MTUS1: variants seen among roughly 807,000 people sequenced by gnomAD.
MTUS1 encodes microtubule-associated tumor suppressor 1.
A neutral mutation model predicts 120.8 loss-of-function variants in MTUS1; 109 were observed. That is an observed-to-expected ratio of 0.90 (90% confidence interval 0.77 to 1.06). MTUS1 has a LOEUF of 1.06. Ranked by LOEUF, MTUS1 falls within the 50% of genes least tolerant of loss-of-function variation. The pLI is 0.00. For missense variants in MTUS1, 2,210 were observed against 1,486.3 expected (o/e 1.49, Z -8.01); for synonymous variants, 737 against 550.5 (o/e 1.34, Z -4.74).
At chr8:17,722,081 G>C (rs1277524084) in intron 4 of MTUS1, 2 of 1,336,336 alleles carry the variant, frequency 1.5e-6, no homozygotes, top group Non-Finnish European at 9.5e-7. Context: ...GAGACTCACT[G>C]ATTTGAATGC....
At chr8:17,652,871 G>T in intron 12 of MTUS1, among the ~76,000 whole-genome samples, 1 of 150,924 alleles carries the variant, frequency 6.6e-6, no homozygotes. Context: ...TTTGTAGTTT[G>T]TTTTATCTCA....
chr8:17,742,297 T>TTTTTTTTTTTTTTTTTTTTTTTTTTG (rs2047393167), intron 3 of MTUS1, among the ~76,000 whole-genome samples: 1 of 142,190 alleles, frequency 7.0e-6, no homozygotes, highest in African/African-American at 2.7e-5. Flanking sequence ...TGTTGTTTTT[T>TTTTTTTTTTTTTTTTTTTTTTTTTTG]TTTTTTTTTT....
intron 1 of MTUS1, among the ~76,000 whole-genome samples, chr8:17,769,177 G>A (rs897784448): frequency 6.6e-6 from 1 of 150,918 alleles, no homozygotes; most frequent in Admixed American, 6.6e-5. Flanking sequence ...TCACTGACCT[G>A]CTAAGGTTCA....
chr8:17,678,816 C>T (rs1813654765), intron 7 of MTUS1, among the ~76,000 whole-genome samples: 1 of 151,756 alleles, frequency 6.6e-6, no homozygotes, highest in East Asian at 1.9e-4. Context: ...GACCTCAGCC[C>T]TGTTCAAGTT....
intron 1 of MTUS1, among the ~76,000 whole-genome samples, chr8:17,773,282 T>G (rs568240204): frequency 2.6e-4 from 40 of 152,328 alleles, no homozygotes; most frequent in African/African-American, 7.9e-4. Flanking sequence ...CCATACGTAG[T>G]GCAGGAGCAG....
chr8:17,738,888 C>T (rs956557362), intron 3 of MTUS1, among the ~76,000 whole-genome samples: 24 of 151,976 alleles, frequency 1.6e-4, no homozygotes, highest in African/African-American at 2.9e-4. Context: ...CCTGTCATCT[C>T]GGTACTGTGG....
chr8:17,735,363 C>T (rs1011582332), intron 3 of MTUS1, among the ~76,000 whole-genome samples: 2 of 152,202 alleles, frequency 1.3e-5, no homozygotes, highest in Admixed American at 6.5e-5. Context: ...GCCAGACACT[C>T]TGTCTCCTAA....
chr8:17,753,621 G>T, intron 2 of MTUS1, 96 bp downstream of exon 2: 1 of 800,132 alleles, frequency 1.2e-6, no homozygotes, highest in Non-Finnish European at 1.9e-6. Context: ...ACCTGGTTCT[G>T]CAATATTATT....
chr8:17,662,668 C>A (rs1273164023), intron 8 of MTUS1, among the ~76,000 whole-genome samples: 1 of 151,864 alleles, frequency 6.6e-6, no homozygotes, highest in African/African-American at 2.4e-5. Context: ...TTGTTTTAAT[C>A]ATTCCATTAG....
At chr8:17,657,044 G>A (rs1451285271) in intron 8 of MTUS1, among the ~76,000 whole-genome samples, 1 of 121,560 alleles carries the variant, frequency 8.2e-6, no homozygotes, top group Non-Finnish European at 1.6e-5. Context: ...GGGCGACAGA[G>A]TGAGATTCTG....
intron 7 of MTUS1, among the ~76,000 whole-genome samples, chr8:17,681,862 T>A (rs1814587604): frequency 6.6e-6 from 1 of 152,106 alleles, no homozygotes; most frequent in South Asian, 2.1e-4. Flanking sequence ...TTGAAAAAGA[T>A]GAAGCTAATT....
chr8:17,797,812 G>C (rs539853610), intron 1 of MTUS1, among the ~76,000 whole-genome samples: 3 of 152,282 alleles, frequency 2.0e-5, no homozygotes, highest in African/African-American at 7.2e-5. Context: ...GGGAATAAAA[G>C]GGACTCAGGC....
At chr8:17,771,668 G>C (rs1013565586) in intron 1 of MTUS1, among the ~76,000 whole-genome samples, 5 of 152,148 alleles carry the variant, frequency 3.3e-5, no homozygotes, top group Admixed American at 1.3e-4. Context: ...GGCAGTCTAC[G>C]CATGAAAACA....
intron 1 of MTUS1, among the ~76,000 whole-genome samples, chr8:17,771,469 G>A (rs958612946): frequency 6.6e-6 from 1 of 152,188 alleles, no homozygotes; most frequent in African/African-American, 2.4e-5. Flanking sequence ...GCAATTAAAA[G>A]ATCTGCAAAT....
At chr8:17,799,046 C>G (rs2052477248) in intron 1 of MTUS1, among the ~76,000 whole-genome samples, 1 of 150,036 alleles carries the variant, frequency 6.7e-6, no homozygotes, top group Non-Finnish European at 1.5e-5. Flanking sequence ...AAGGATGATT[C>G]TACATGTTGA....
chr8:17,780,650 T>C (rs1387516489), intron 1 of MTUS1, among the ~76,000 whole-genome samples: 2 of 152,214 alleles, frequency 1.3e-5, no homozygotes, highest in Admixed American at 6.5e-5. Flanking sequence ...ACCTTCACTA[T>C]TATCCCAGGT....
chr8:17,785,670 C>T (rs935381633), intron 1 of MTUS1, among the ~76,000 whole-genome samples: 1 of 152,136 alleles, frequency 6.6e-6, no homozygotes, highest in Non-Finnish European at 1.5e-5. Flanking sequence ...TCCATCTCAC[C>T]GTGTTCAAGT....
At chr8:17,666,832 G>C (rs1811019771) in intron 8 of MTUS1, among the ~76,000 whole-genome samples, 2 of 152,120 alleles carry the variant, frequency 1.3e-5, no homozygotes, top group Non-Finnish European at 2.9e-5. Context: ...AAAGCCCAAA[G>C]AGGGGTTAGT....
intron 1 of MTUS1, among the ~76,000 whole-genome samples, chr8:17,778,816 A>G (rs2050655351): frequency 6.6e-6 from 1 of 152,138 alleles, no homozygotes; most frequent in South Asian, 2.1e-4. Flanking sequence ...CTCCAAAAAT[A>G]TATAAAAATA....
Sources: gnomAD v4.1 joint callset for allele counts (sites outside exome capture counted in the v4.1 genomes callset) on GRCh38, gnomAD v4.1.1 for gene constraint, MANE v1.5 for transcripts, NCBI Gene and HGNC (gene_info 2026-07-23, HGNC 2026-07-21) for gene names.